Variants in RBPJ observed in about 807,000 individuals in gnomAD.
The protein encoded by RBPJ is recombination signal binding protein for immunoglobulin kappa J region, also known as recombining binding protein suppressor of hairless.
Under a neutral mutation model 67.8 loss-of-function variants are expected in RBPJ, and 9 were observed. The ratio of observed to expected loss-of-function variants is 0.13; its 90% confidence interval spans 0.08 to 0.23. The LOEUF (loss-of-function observed/expected upper bound fraction) is 0.23, where lower values mean the gene tolerates loss of function less well. Among genes scored for constraint, RBPJ ranks in the 10% least tolerant of loss-of-function variants. The probability of loss-of-function intolerance (pLI) is 1.00; values close to 1 mark genes in which losing one functional copy is unlikely to be tolerated. For synonymous variants in RBPJ, 198 were observed against 203.3 expected (o/e 0.97, Z 0.22); for missense variants, 305 against 595.6 (o/e 0.51, Z 5.08).
chr4:26,107,343 C>T, the RBPJ span, among the ~76,000 whole-genome samples: 2 of 152,178 alleles, frequency 1.3e-5, no homozygotes, highest in Non-Finnish European at 2.9e-5. Flanking sequence ...CTCAAATCCT[C>T]TCAGGGCCCT....
chr4:26,318,110 A>AACACAAACACACACACAC (rs1434290292), upstream of RBPJ, among the ~76,000 whole-genome samples: 5 of 151,590 alleles, frequency 3.3e-5, no homozygotes, highest in Non-Finnish European at 7.4e-5. Context: ...TCAATAGGCA[A>AACACAAACACACACACAC]ACACAAACAC....
Position 26,362,944 on chromosome 4 carries a change from TA to T in RBPJ, c.21-23408del, listed in dbSNP as rs1382858337. 3.3e-5 allele frequency among the ~76,000 whole-genome samples: 5 copies of T among 152,312 alleles called. No homozygotes were observed. The South Asian group carries it at 1.0e-3, about 32-fold the overall frequency. On this transcript the variant is annotated intron_variant, in intron 1 of 10. Coordinates refer to ENST00000355476, the MANE Select transcript of RBPJ (RefSeq NM_015874.6). ...GATTATTCATGTATTACTCTGTAAT[TA>T]TCTTTTACATCATAGACTAGTTCTC...
Position 26,434,849 on chromosome 4 carries a change from A to G in RBPJ, c.*3842A>G, listed in dbSNP as rs1398864542. ...AAAAAAAGAATCTGCTCAGTTCCAT[A>G]TTTCATCCGTGAAAAACTTGCAATA... On this transcript the variant is annotated 3_prime_UTR_variant, in exon 11 of 11. Transcript: ENST00000355476. The G allele has an allele frequency of 1.3e-5, 2 of 152,252 alleles. No homozygotes were observed. The highest frequency in any genetic ancestry group is 2.4e-5 in the African/African-American group (1 of 41,468). 9.4% of individuals were successfully genotyped at this position (152,252 alleles called of 1,614,324 possible).
chr4:26,172,712 C>A (rs903292694), intron 1 of RBPJ, among the ~76,000 whole-genome samples: 8 of 152,072 alleles, frequency 5.3e-5, no homozygotes, highest in African/African-American at 1.9e-4. Context: ...GAACTGTGCC[C>A]GATAGATGGT....
chr4:26,365,074 T>C (rs1321804620), intron 1 of RBPJ, among the ~76,000 whole-genome samples: 1 of 150,546 alleles, frequency 6.6e-6, no homozygotes, highest in East Asian at 1.9e-4. Flanking sequence ...AGCATATTGT[T>C]ATATAATTAT....
the RBPJ span, among the ~76,000 whole-genome samples, chr4:26,153,891 T>C: frequency 1.3e-5 from 2 of 152,188 alleles, no homozygotes; most frequent in African/African-American, 4.8e-5. Context: ...GAGGTTGCAG[T>C]GAGCTGAGAT....
chr4:26,222,487 T>A (rs1577489212), intron 1 of RBPJ, among the ~76,000 whole-genome samples: 1 of 115,476 alleles, frequency 8.7e-6, no homozygotes. Context: ...AGAGTGAAAC[T>A]CAATCTCAAA....
At chr4:26,283,293 C>T (rs1471930607) in intron 1 of RBPJ, among the ~76,000 whole-genome samples, 1 of 151,278 alleles carries the variant, frequency 6.6e-6, no homozygotes, top group African/African-American at 2.4e-5. Context: ...GCCTGTAATC[C>T]CAGCACTTTG....
chr4:26,408,117 C>A (rs767759039), intron 3 of RBPJ, among the ~76,000 whole-genome samples: 1 of 151,796 alleles, frequency 6.6e-6, no homozygotes, highest in Non-Finnish European at 1.5e-5. Flanking sequence ...TCAAGTGATC[C>A]GCCTGCCTCA....
chr4:26,387,552 G>A (rs1266578569), intron 2 of RBPJ, among the ~76,000 whole-genome samples: 3 of 152,156 alleles, frequency 2.0e-5, no homozygotes, highest in African/African-American at 7.2e-5. Flanking sequence ...TGAACATCAG[G>A]TATAGAAGGA....
chr4:26,371,661 T>G (rs1385451315), intron 1 of RBPJ, among the ~76,000 whole-genome samples: 1 of 152,248 alleles, frequency 6.6e-6, no homozygotes, highest in Non-Finnish European at 1.5e-5. Flanking sequence ...CTGGTTTATT[T>G]CACCTTATGC....
chr4:26,180,804 G>A (rs1057229753), intron 1 of RBPJ, among the ~76,000 whole-genome samples: 9 of 152,172 alleles, frequency 5.9e-5, no homozygotes, highest in Non-Finnish European at 1.0e-4. Flanking sequence ...TAGTTAAGGA[G>A]AATAGATGTG....
chr4:26,238,701 C>T (rs866163786), intron 1 of RBPJ, among the ~76,000 whole-genome samples: 8 of 152,202 alleles, frequency 5.3e-5, no homozygotes, highest in Middle Eastern at 3.4e-3. Context: ...AGGGTTGGGC[C>T]AGCAGTTGGA....
intron 1 of RBPJ, among the ~76,000 whole-genome samples, chr4:26,278,013 T>C (rs1721140204): frequency 6.6e-6 from 1 of 152,186 alleles, no homozygotes; most frequent in Non-Finnish European, 1.5e-5. Flanking sequence ...GCTAGCTCCT[T>C]TGCTGAATAT....
At chr4:26,406,076 ATATT>A (rs1414765104) in intron 2 of RBPJ, 95 bp from the exon 3 acceptor site, 49 of 704,412 alleles carry the variant, frequency 7.0e-5, no homozygotes, top group Non-Finnish European at 1.0e-4. Context: ...TATTTAAAAA[ATATT>A]TATAAGCATT....
chr4:26,333,010 T>C lies in RBPJ; in HGVS notation c.20+11962T>C, dbSNP rs571901437. On this transcript the variant is annotated intron_variant, in intron 1 of 10. Coordinates refer to ENST00000355476, the MANE Select transcript of RBPJ (RefSeq NM_015874.6). ...ACTATAGTCTTATACCAGGAAATAA[T>C]CACTGTTAACAATTGGGAGTACCTT... 3.9e-4 allele frequency among the ~76,000 whole-genome samples: 59 copies of C among 152,288 alleles called. 1 individual carries two copies. In the South Asian group the frequency reaches 0.012, roughly 30 times the overall value.
chr4:26,191,961 T>C (rs574653059), intron 1 of RBPJ, among the ~76,000 whole-genome samples: 1 of 152,062 alleles, frequency 6.6e-6, no homozygotes, highest in Non-Finnish European at 1.5e-5. Flanking sequence ...TGTAAACTCT[T>C]CCACAAACCA....
intron 1 of RBPJ, among the ~76,000 whole-genome samples, chr4:26,270,413 GA>G (rs1158489188): frequency 1.4e-4 from 8 of 55,880 alleles, no homozygotes; most frequent in Admixed American, 2.4e-4. Context: ...AAGAAAGAAA[GA>G]AAGAAAGAAA....
chr4:26,209,541 T>TCCTTCCTCCTTCCCTGTCTCCCTC (rs1560211307), intron 1 of RBPJ, among the ~76,000 whole-genome samples: 38 of 81,014 alleles, frequency 4.7e-4, no homozygotes, highest in African/African-American at 1.5e-3. Context: ...CCTATCTCCT[T>TCCTTCCTCCTTCCCTGTCTCCCTC]CCTTCCTCCT....
Sources: gnomAD v4.1 joint callset for allele counts (sites outside exome capture counted in the v4.1 genomes callset) on GRCh38, gnomAD v4.1.1 for gene constraint, MANE v1.5 for transcripts, NCBI Gene and HGNC (gene_info 2026-07-23, HGNC 2026-07-21) for gene names.